VWDE: variants seen among roughly 807,000 people sequenced by gnomAD.
VWDE encodes the protein von Willebrand factor D and EGF domain-containing protein.
A neutral mutation model predicts 178.4 loss-of-function variants in VWDE; 207 were observed. The ratio of observed to expected loss-of-function variants is 1.16; its 90% CI spans 1.04 to 1.30. The LOEUF is 1.30. Ranked by LOEUF, VWDE falls within the 50% of genes most tolerant of loss-of-function variation. The probability of loss-of-function intolerance (pLI) is 0.00; values close to 1 mark genes in which losing one functional copy is unlikely to be tolerated. For synonymous variants in VWDE, 738 were observed against 651.4 expected (o/e 1.13, Z -2.02); for missense variants, 2,287 against 1,901.3 (o/e 1.20, Z -3.77).
intron 24 of VWDE, 151 bp downstream of exon 24, chr7:12,340,171 T>C (rs1349656463): frequency 3.2e-6 from 2 of 618,496 alleles, no homozygotes; most frequent in Non-Finnish European, 5.8e-6. Context: ...TTTTGTAAGC[T>C]AGTAATTTGG....
intron 1 of VWDE, 51 bp downstream of exon 1, chr7:12,403,608 G>A (rs1027103564): frequency 1.9e-5 from 28 of 1,511,912 alleles, no homozygotes; most frequent in African/African-American, 2.8e-5. Flanking sequence ...TCCCTCTACC[G>A]CCCACGCGGC....
chr7:12,337,367 A>C, intron 24 of VWDE, 95 bp from the exon 25 acceptor site: 1 of 1,043,268 alleles, frequency 9.6e-7, no homozygotes. Context: ...TGAGGACATA[A>C]GGCAGAGAAA....
chr7:12,331,090 G>T lies in VWDE; in HGVS notation c.*93C>A. On this transcript the variant is annotated 3_prime_UTR_variant, in exon 29 of 29. Transcript: ENST00000275358. Reference sequence around the variant, plus strand: ...GTCTTTAAGATATTTTTTGAATGATGTTCAAATAAACTCCAAGTTATCTCC... The same window carrying T: ...GTCTTTAAGATATTTTTTGAATGATTTTCAAATAAACTCCAAGTTATCTCC... 3 of 974,088 alleles carry T rather than the reference G, an allele frequency of 3.1e-6. No homozygotes were observed. The highest frequency in any genetic ancestry group is 3.0e-6 in the Non-Finnish European group (2 of 656,820). 60.3% of individuals were successfully genotyped at this position (974,088 alleles called of 1,614,324 possible).
At chr7:12,342,974 A>T (rs752578002) in intron 22 of VWDE, 109 bp downstream of exon 22, 2 of 729,374 alleles carry the variant, frequency 2.7e-6, no homozygotes, top group Non-Finnish European at 4.4e-6. Context: ...GAACTATCAC[A>T]ATGTGTGTTC....
At chr7:12,387,582 CAT>C (rs1030125610) in intron 3 of VWDE, among the ~76,000 whole-genome samples, 13 of 151,358 alleles carry the variant, frequency 8.6e-5, no homozygotes, top group South Asian at 2.1e-4. Context: ...CACACACACA[CAT>C]ATATATATAA....
chr7:12,368,967 G>T (rs57501786), intron 12 of VWDE, among the ~76,000 whole-genome samples: 23,680 of 152,082 alleles, frequency 0.16, 2,298 homozygotes, highest in African/African-American at 0.26. Context: ...AAGATGGTAA[G>T]AATGGGAGGG....
chr7:12,331,925 C>A (rs1310791705), intron 28 of VWDE, among the ~76,000 whole-genome samples: 1 of 152,054 alleles, frequency 6.6e-6, no homozygotes, highest in African/African-American at 2.4e-5. Flanking sequence ...GCCAGTAATT[C>A]TTTTTCATTG....
At chr7:12,353,347 C>G (rs1782049192) in intron 18 of VWDE, among the ~76,000 whole-genome samples, 1 of 152,180 alleles carries the variant, frequency 6.6e-6, no homozygotes, top group African/African-American at 2.4e-5. Flanking sequence ...CCCTTATAAC[C>G]TCATTTAACC....
In VWDE at chr7:12,357,511, G is replaced by C; in HGVS notation, c.3279C>G (p.Asn1093Lys). The change falls in exon 17 of 29, where the codon AAC (asparagine) becomes AAG (lysine). Residue 1093 changes from asparagine to lysine, a missense_variant. Transcript: ENST00000275358. ...SRFTWSFLEN[N>K]QPPVIQALQD... ...GCAATGCTTGAATCACTGGGGGCTG[G>C]TTGTCTGTAATAGAGAAAACACTTA... 6.4e-7 allele frequency: 1 copy of C among 1,552,106 alleles called. No individual in the cohort carries two copies. The highest frequency in any genetic ancestry group is 8.7e-7 in the Non-Finnish European group (1 of 1,147,090).
At chr7:12,353,841 C>T (rs917758288) in intron 18 of VWDE, 4 of 151,192 alleles carry the variant, frequency 2.6e-5, no homozygotes, top group African/African-American at 9.8e-5. Flanking sequence ...CTTGTAGCAG[C>T]TCCCCTTTCT....
At chr7:12,347,044 A>C (rs979726123) in intron 19 of VWDE, among the ~76,000 whole-genome samples, 1 of 152,176 alleles carries the variant, frequency 6.6e-6, no homozygotes, top group African/African-American at 2.4e-5. Flanking sequence ...ACAAGAGTGC[A>C]CCAAATATAG....
intron 3 of VWDE, among the ~76,000 whole-genome samples, chr7:12,384,044 C>A (rs1299410693): frequency 6.6e-6 from 1 of 152,118 alleles, no homozygotes; most frequent in Non-Finnish European, 1.5e-5. Flanking sequence ...CATAGAAAAA[C>A]CTGCACATGG....
chr7:12,375,650 T>A (rs548981881), intron 7 of VWDE, among the ~76,000 whole-genome samples: 4 of 152,136 alleles, frequency 2.6e-5, no homozygotes, highest in East Asian at 1.9e-4. Flanking sequence ...AGCATATGTG[T>A]TCATGTTCCA....
intron 18 of VWDE, among the ~76,000 whole-genome samples, chr7:12,354,828 A>G (rs528810669): frequency 3.3e-5 from 5 of 152,316 alleles, no homozygotes; most frequent in South Asian, 2.1e-4. Flanking sequence ...GTAATTTTTA[A>G]AAGTTATTTA....
chr7:12,389,139 A>T lies in VWDE; in HGVS notation c.463T>A (p.Tyr155Asn), dbSNP rs575933574. The T allele has an allele frequency of 3.4e-5, 53 of 1,546,998 alleles. No individual in the cohort carries two copies. The Admixed American group carries it at 1.0e-3, about 30-fold the overall frequency. The change falls in exon 3 of 29, where the codon TAC becomes AAC. Residue 155 changes from tyrosine (Y) to asparagine (N), a missense_variant. Coordinates refer to ENST00000275358, the MANE Select transcript of VWDE (RefSeq NM_001135924.3). ...LLQPTQGCMG[Y>N]CAEAISDARL... is the part of the protein sequence containing the mutation. ...GGTGTTTTCTTACCTTCCGCACAGT[A>T]GCCCATACATCCCTGAGTTGGTTGT...
chr7:12,373,127 A>T lies in VWDE; in HGVS notation c.1437T>A (p.Cys479Ter). The T allele has an allele frequency of 6.4e-7, 1 of 1,551,420 alleles. No homozygotes were observed. The highest frequency in any genetic ancestry group is 8.7e-7 in the Non-Finnish European group (1 of 1,146,826). Residue 479 changes from cysteine to a stop codon, truncating the protein, a stop_gained, in exon 10 of 29, where the codon TGT becomes TGA. Coordinates refer to ENST00000275358, the MANE Select transcript of VWDE (RefSeq NM_001135924.3). LOFTEE classifies it high-confidence loss of function. ...RSLHYPVSCNCGFVAQEGGDI... is the reference protein window; with the variant it reads ...RSLHYPVSCN ...CACCTCCTTCCTGGGCAACAAACCC[A>T]CAATTACATGACACTGGATAGTGAA... is the stretch of plus-strand genomic sequence containing the variant.
At position 12,379,560 on chromosome 7, in the gene VWDE, A is replaced by G. The variant is rs1332393860; in HGVS notation, c.796T>C (p.Cys266Arg). ...TCCAAGAAAAAGACAGAAGCGCTGC[A>G]GAATATCTATGGATATAATTAAAAA... ...INLRLGDRIFCSASVFFLENP... is the reference protein window; with the variant it reads ...INLRLGDRIFRSASVFFLENP... The change falls in exon 6 of 29, where the codon TGC becomes CGC. Residue 266 changes from cysteine to arginine, a missense_variant. By Grantham distance (180) the Cys-to-Arg change is radical. Coordinates refer to ENST00000275358, the MANE Select transcript of VWDE (RefSeq NM_001135924.3). 10 of 1,545,684 alleles carry G rather than the reference A, an allele frequency of 6.5e-6. No homozygotes were observed. The highest frequency in any genetic ancestry group is 8.7e-6 in the Non-Finnish European group (10 of 1,144,404).
chr7:12,361,389 G>T lies in VWDE; in HGVS notation c.3031C>A (p.Pro1011Thr), dbSNP rs1198150857. Residue 1011 changes from proline (P) to threonine (T), a missense_variant, in exon 14 of 29, where the codon CCA becomes ACA. Pro to Thr is a conservative substitution (Grantham distance 38). Transcript: ENST00000275358. ...ACCTTCAACTGCCACTTCCCAGTTG[G>T]TTTCCCACCCACCAGATCCATGGTA... ...FDTMDLVGGK[P>T]TGKWQLKVSN... is the part of the protein sequence containing the mutation. 1 of 1,549,916 alleles carries T rather than the reference G, an allele frequency of 6.5e-7. No homozygotes were observed. The highest frequency in any genetic ancestry group is 8.7e-7 in the Non-Finnish European group (1 of 1,146,390).
At position 12,356,115 on chromosome 7, in the gene VWDE, G is replaced by A. The variant is rs1364636275; in HGVS notation, c.3741C>T (p.Leu1247=). 17 of 1,550,672 alleles carry A rather than the reference G, an allele frequency of 1.1e-5. No homozygotes were observed. The highest frequency in any genetic ancestry group is 1.2e-5 in the Non-Finnish European group (14 of 1,146,814). Residue 1247 remains leucine, a synonymous_variant, in exon 18 of 29, where the codon CTC becomes CTT. Coordinates refer to ENST00000275358, the MANE Select transcript of VWDE (RefSeq NM_001135924.3). ...HSYSCDCPPE[L]KVETQFVNQF... ...TTATGAGGAGCAAAATCTTACCTTT[G>A]AGCTCAGGTGGACAATCACAGGAAT...
Sources: allele counts gnomAD v4.1 joint callset (sites outside exome capture counted in the v4.1 genomes callset), GRCh38; gene constraint gnomAD v4.1.1; transcripts MANE v1.5; gene names NCBI Gene and HGNC (gene_info 2026-07-23, HGNC 2026-07-21).